GRIA1: variants seen among roughly 807,000 people sequenced by gnomAD.
The protein encoded by GRIA1 is glutamate ionotropic receptor AMPA type subunit 1, also known as glutamate receptor 1.
In GRIA1, 31 loss-of-function variants were observed where a neutral mutation model predicts 99.2. The observed-to-expected ratio is 0.31, with a 90% CI of 0.23 to 0.42. GRIA1 has a LOEUF of 0.42. GRIA1 is among the 10% of genes least tolerant of loss of function. The pLI is 1.00. For synonymous variants in GRIA1, 438 were observed against 432.4 expected, an observed-to-expected ratio of 1.01 and a Z score of -0.16; for missense variants, 782 against 1,157.5, an observed-to-expected ratio of 0.68 and a Z score of 4.71.
chr5:153,624,813 A>G lies in GRIA1; in HGVS notation c.221-22115A>G, dbSNP rs911216215. Among the ~76,000 whole-genome samples, 6 of 152,226 alleles carry G rather than the reference A, an allele frequency of 3.9e-5. No individual in the cohort carries two copies. The South Asian group carries it at 1.0e-3, about 26-fold the overall frequency. On this transcript the variant is annotated intron_variant, in intron 2 of 15. Coordinates refer to ENST00000285900, the MANE Select transcript of GRIA1 (RefSeq NM_000827.4). ...CAACATACAAGAAACATGCATCTTT[A>G]GTATCTTCTGTATGCAGATTCCAAC...
chr5:153,705,033 A>G (rs964669306), intron 10 of GRIA1, among the ~76,000 whole-genome samples: 11 of 152,192 alleles, frequency 7.2e-5, no homozygotes, highest in Admixed American at 4.6e-4. Flanking sequence ...AAGAAACCCA[A>G]TTCAAACTGA....
intron 2 of GRIA1, among the ~76,000 whole-genome samples, chr5:153,627,131 A>G (rs1476312917): frequency 1.3e-5 from 2 of 152,210 alleles, no homozygotes; most frequent in Non-Finnish European, 2.9e-5. Context: ...TATCTTTCTT[A>G]GTGGCCAGAT....
chr5:153,574,398 G>GT (rs1762368184), intron 2 of GRIA1: 5 of 152,040 alleles, frequency 3.3e-5, no homozygotes. Context: ...ATAGGTAAGG[G>GT]TTTTTTGTTT....
intron 11 of GRIA1, among the ~76,000 whole-genome samples, chr5:153,738,583 A>G (rs917590001): frequency 2.0e-5 from 3 of 152,036 alleles, no homozygotes; most frequent in Non-Finnish European, 4.4e-5. Context: ...CATCCAATCA[A>G]TCTTCAAATA....
Position 153,609,226 on chromosome 5 carries a change from G to A in GRIA1, c.221-37702G>A, listed in dbSNP as rs543513797. On this transcript the variant is annotated intron_variant, in intron 2 of 15. Coordinates refer to ENST00000285900, the MANE Select transcript of GRIA1 (RefSeq NM_000827.4). Reference sequence around the variant, plus strand: ...GCTCCAAACACAAAGGTTACCTCCCGGGCTTCCTCCATCCTTAGATCCCAG... The same window carrying A: ...GCTCCAAACACAAAGGTTACCTCCCAGGCTTCCTCCATCCTTAGATCCCAG... 3.9e-5 allele frequency among the ~76,000 whole-genome samples: 6 copies of A among 152,156 alleles called. No individual in the cohort carries two copies. The South Asian group carries it at 1.0e-3, about 26-fold the overall frequency.
chr5:153,538,588 A>T (rs1758794610), intron 2 of GRIA1, among the ~76,000 whole-genome samples: 1 of 152,138 alleles, frequency 6.6e-6, no homozygotes, highest in Non-Finnish European at 1.5e-5. Context: ...ACACTCACAC[A>T]GCTAAATGCT....
Position 153,645,208 on chromosome 5 carries a change from C to T in GRIA1, c.221-1720C>T, listed in dbSNP as rs74504852. Among the ~76,000 whole-genome samples, 8 of 152,138 alleles carry T rather than the reference C, an allele frequency of 5.3e-5. No homozygotes were observed. In the East Asian group the frequency reaches 1.4e-3, roughly 26 times the overall value. Reference sequence around the variant, plus strand: ...GGTCAAGAGCAAGAATTGTGTGAAACCAGAATCTCAGTAACTAGAAGTATG... The same window carrying T: ...GGTCAAGAGCAAGAATTGTGTGAAATCAGAATCTCAGTAACTAGAAGTATG... On this transcript the variant is annotated intron_variant, in intron 2 of 15. Coordinates refer to ENST00000285900, the MANE Select transcript of GRIA1 (RefSeq NM_000827.4).
At chr5:153,593,193 G>A (rs1288089740) in intron 2 of GRIA1, among the ~76,000 whole-genome samples, 1 of 152,176 alleles carries the variant, frequency 6.6e-6, no homozygotes, top group Non-Finnish European at 1.5e-5. Context: ...CTTGAGCCTG[G>A]AAGGTGGAGG....
chr5:153,524,179 T>A (rs1415230460), intron 2 of GRIA1, among the ~76,000 whole-genome samples: 2 of 152,050 alleles, frequency 1.3e-5, no homozygotes, highest in African/African-American at 4.8e-5. Context: ...ATACAAAAAT[T>A]AGCTGGGCGT....
intron 14 of GRIA1, among the ~76,000 whole-genome samples, chr5:153,796,850 C>G (rs1308463405): frequency 7.2e-6 from 1 of 139,140 alleles, no homozygotes; most frequent in African/African-American, 2.7e-5. Context: ...CAGGGTAAGT[C>G]CATCCATTCT....
chr5:153,671,633 T>G (rs1460772293), intron 5 of GRIA1, among the ~76,000 whole-genome samples: 4 of 152,192 alleles, frequency 2.6e-5, no homozygotes, highest in Non-Finnish European at 5.9e-5. Flanking sequence ...TTTCAACCAA[T>G]TACAATCACC....
At chr5:153,777,794 T>C (rs1764358012) in intron 13 of GRIA1, among the ~76,000 whole-genome samples, 3 of 152,142 alleles carry the variant, frequency 2.0e-5, no homozygotes, top group Admixed American at 2.0e-4. Flanking sequence ...TATTTCTTTT[T>C]CTCCCTCCCT....
At chr5:153,587,301 C>T (rs1229338623) in intron 2 of GRIA1, among the ~76,000 whole-genome samples, 1 of 152,164 alleles carries the variant, frequency 6.6e-6, no homozygotes, top group Non-Finnish European at 1.5e-5. Context: ...GACATGCTTG[C>T]TCCCACTTCA....
intron 15 of GRIA1, among the ~76,000 whole-genome samples, chr5:153,803,767 A>T (rs1581684664): frequency 6.6e-6 from 1 of 152,190 alleles, no homozygotes; most frequent in Non-Finnish European, 1.5e-5. Context: ...TTCAACAGAC[A>T]TTTGCCTCCA....
intron 13 of GRIA1, among the ~76,000 whole-genome samples, chr5:153,780,567 C>T (rs999559385): frequency 6.6e-6 from 1 of 152,210 alleles, no homozygotes; most frequent in Non-Finnish European, 1.5e-5. Flanking sequence ...GTGTTTAGCA[C>T]AGTGCCTGGC....
At chr5:153,746,420 G>T (rs565920728) in intron 11 of GRIA1, among the ~76,000 whole-genome samples, 4 of 152,198 alleles carry the variant, frequency 2.6e-5, no homozygotes, top group African/African-American at 9.7e-5. Context: ...AATTAAAGCA[G>T]AAGTGCATAT....
At chr5:153,738,267 T>A (rs575080352) in intron 11 of GRIA1, among the ~76,000 whole-genome samples, 4 of 152,104 alleles carry the variant, frequency 2.6e-5, no homozygotes, top group Non-Finnish European at 5.9e-5. Flanking sequence ...TTCTAGTGCT[T>A]CCCTCCTCAG....
chr5:153,779,111 T>C (rs1359722363), intron 13 of GRIA1, among the ~76,000 whole-genome samples: 5 of 152,194 alleles, frequency 3.3e-5, no homozygotes. Context: ...AGCCTTACAT[T>C]CGTTTTATAC....
chr5:153,599,850 G>A (rs1561676714), intron 2 of GRIA1, among the ~76,000 whole-genome samples: 1 of 152,050 alleles, frequency 6.6e-6, no homozygotes, highest in Non-Finnish European at 1.5e-5. Context: ...GAGAAAATGG[G>A]ACTTTGAAGT....
Sources: gnomAD v4.1 joint callset for allele counts (sites outside exome capture counted in the v4.1 genomes callset) on GRCh38, gnomAD v4.1.1 for gene constraint, MANE v1.5 for transcripts, NCBI Gene and HGNC (gene_info 2026-07-23, HGNC 2026-07-21) for gene names.